Variants in PDE1C observed in about 807,000 individuals in gnomAD.
PDE1C encodes phosphodiesterase 1C.
A neutral mutation model predicts 93.1 loss-of-function variants in PDE1C; 62 were observed. The observed-to-expected ratio is 0.67, with a 90% CI of 0.54 to 0.82. The LOEUF (loss-of-function observed/expected upper bound fraction) is 0.82, where lower values mean the gene tolerates loss of function less well. Among genes scored for constraint, PDE1C ranks in the 40% least tolerant of loss-of-function variants. PDE1C has a pLI of 0.00. For missense variants in PDE1C, 742 were observed against 884.6 expected (o/e 0.84, Z 2.04); for synonymous variants, 325 against 310.1 (o/e 1.05, Z -0.50).
upstream of PDE1C, chr7:32,071,305 G>C (rs60411879): frequency 0.12 from 120,942 of 985,350 alleles, 7,753 homozygotes; most frequent in African/African-American, 0.19. Context: ...CGCGGAGGTT[G>C]GGCCTGGAGG....
intron 2 of PDE1C, among the ~76,000 whole-genome samples, chr7:31,912,770 C>T (rs914467444): frequency 2.0e-5 from 3 of 151,788 alleles, no homozygotes; most frequent in African/African-American, 7.3e-5. Flanking sequence ...AAGATGCATC[C>T]AAGAGGGCTG....
intron 13 of PDE1C, among the ~76,000 whole-genome samples, chr7:31,823,895 G>T (rs1223717832): frequency 1.3e-5 from 2 of 152,114 alleles, no homozygotes; most frequent in African/African-American, 4.8e-5. Flanking sequence ...AGTGGTTAAA[G>T]AAGTGACTGG....
chr7:32,026,547 G>A (rs542751061), intron 2 of PDE1C, among the ~76,000 whole-genome samples: 36 of 152,276 alleles, frequency 2.4e-4, no homozygotes, highest in African/African-American at 8.4e-4. Flanking sequence ...AGGATGTGGA[G>A]CAATAGGAAC....
chr7:32,411,926 A>G (rs1785179278), intron 1 of PDE1C, among the ~76,000 whole-genome samples: 1 of 152,090 alleles, frequency 6.6e-6, no homozygotes, highest in South Asian at 2.1e-4. Flanking sequence ...AAACTAAGAA[A>G]CAAATACATT....
chr7:32,308,561 A>G (rs1473111690), intron 1 of PDE1C, among the ~76,000 whole-genome samples: 1 of 152,218 alleles, frequency 6.6e-6, no homozygotes, highest in Non-Finnish European at 1.5e-5. Context: ...AGGCAGCAGC[A>G]TTTGCGGTTC....
At chr7:32,071,496 A>ACC (rs542589070), upstream of PDE1C, 16 of 737,160 alleles carry the variant, frequency 2.2e-5, no homozygotes, top group Non-Finnish European at 2.4e-5. Context: ...CCTCCCTTTC[A>ACC]CCCCCCCACC....
At chr7:32,102,107 A>T (rs1245626111) in intron 3 of PDE1C, among the ~76,000 whole-genome samples, 1 of 152,218 alleles carries the variant, frequency 6.6e-6, no homozygotes, top group African/African-American at 2.4e-5. Context: ...GCCCATCTTC[A>T]ACATTGAAGG....
intron 2 of PDE1C, among the ~76,000 whole-genome samples, chr7:32,194,068 C>T (rs1367150207): frequency 2.0e-5 from 3 of 152,024 alleles, no homozygotes; most frequent in Non-Finnish European, 4.4e-5. Context: ...GCGCCCGCCA[C>T]CACACCCGGT....
chr7:31,789,271 T>C (rs1435199290), intron 16 of PDE1C: 2 of 152,204 alleles, frequency 1.3e-5, no homozygotes, highest in African/African-American at 4.8e-5. Flanking sequence ...CTACATCTAC[T>C]ATTCTTATTT....
chr7:31,791,037 T>G (rs1439919511), intron 16 of PDE1C, among the ~76,000 whole-genome samples: 4 of 152,124 alleles, frequency 2.6e-5, no homozygotes, highest in African/African-American at 9.7e-5. Context: ...CCAGTTGGCT[T>G]GGACTTTAAG....
chr7:31,643,209 C>G, the PDE1C span: 2 of 1,613,868 alleles, frequency 1.2e-6, no homozygotes, highest in Non-Finnish European at 1.7e-6. Context: ...TTCATGTTGA[C>G]TCTGAGGCCC....
intron 2 of PDE1C, among the ~76,000 whole-genome samples, chr7:31,910,397 A>G (rs2128936525): frequency 6.6e-6 from 1 of 152,272 alleles, no homozygotes; most frequent in Admixed American, 6.5e-5. Context: ...CAACTGCTGA[A>G]CAATCTTAAT....
chr7:31,936,901 C>A (rs576827369), intron 2 of PDE1C, among the ~76,000 whole-genome samples: 1 of 152,238 alleles, frequency 6.6e-6, no homozygotes, highest in East Asian at 1.9e-4. Flanking sequence ...TGAGTTACAG[C>A]TTGCTTTTAT....
At chr7:32,219,856 C>T (rs1806711648) in intron 1 of PDE1C, among the ~76,000 whole-genome samples, 1 of 152,236 alleles carries the variant, frequency 6.6e-6, no homozygotes, top group Non-Finnish European at 1.5e-5. Flanking sequence ...TCTTGAGTTG[C>T]AGCTTCCATA....
At chr7:32,106,400 AC>A (rs569000441) in intron 3 of PDE1C, among the ~76,000 whole-genome samples, 36 of 152,332 alleles carry the variant, frequency 2.4e-4, no homozygotes, top group Non-Finnish European at 4.7e-4. Context: ...GAAACGCCAG[AC>A]ATCTGACAAA....
chr7:31,794,041 TAGACAGACAGACAGACAGAC>T (rs71559203), intron 16 of PDE1C, among the ~76,000 whole-genome samples: 41 of 89,586 alleles, frequency 4.6e-4, no homozygotes, highest in African/African-American at 1.3e-3. Flanking sequence ...GATAGATAGA[TAGACAGACAGACAGACAGAC>T]AGACAGACAG....
Position 31,989,211 on chromosome 7 carries a change from C to T in PDE1C, c.128+62343G>A, listed in dbSNP as rs189262697. 4.8e-4 allele frequency among the ~76,000 whole-genome samples: 73 copies of T among 152,118 alleles called. No homozygotes were observed. The East Asian group carries it at 0.013, about 26-fold the overall frequency. ...CTTTACTTATATTTCCCTCACTTTG[C>T]TTTATTTTCATTTGTGTTAAGGTCA... On this transcript the variant is annotated intron_variant, in intron 2 of 17. Transcript: ENST00000396191.
intron 3 of PDE1C, among the ~76,000 whole-genome samples, chr7:32,086,065 T>G (rs988326506): frequency 6.6e-6 from 1 of 151,398 alleles, no homozygotes; most frequent in Non-Finnish European, 1.5e-5. Flanking sequence ...AGTCAAATTG[T>G]CCCTGTTTGC....
At position 32,281,844 on chromosome 7, in the gene PDE1C, TAAAAAGG is replaced by T. The variant is rs779523604; in HGVS notation, c.85+16800_85+16806del. Among the ~76,000 whole-genome samples, 16 of 152,164 alleles carry T rather than the reference TAAAAAGG, an allele frequency of 1.1e-4. No homozygotes were observed. The East Asian group carries it at 2.9e-3, about 28-fold the overall frequency. ...TACACCATGGAATACTATGCAGCCA[TAAAAAGG>T]ATGAGTTCATGTCCTTTCTAGGAAT... On this transcript the variant is annotated intron_variant, in intron 1 of 18. Transcript: ENST00000396193.
Sources: allele counts gnomAD v4.1 joint callset (sites outside exome capture counted in the v4.1 genomes callset), GRCh38; gene constraint gnomAD v4.1.1; transcripts MANE v1.5; gene names NCBI Gene and HGNC (gene_info 2026-07-23, HGNC 2026-07-21).